The following IPCEF1 variants were observed in gnomAD, a reference collection of about 807,000 sequenced individuals.
IPCEF1 encodes the protein interactor protein for cytohesin exchange factors 1.
In IPCEF1, 31 loss-of-function variants were observed where a neutral mutation model predicts 50.9. The ratio of observed to expected loss-of-function variants is 0.61; its 90% CI spans 0.46 to 0.82. IPCEF1 has a LOEUF of 0.82. Ranked by LOEUF, IPCEF1 falls within the 40% of genes least tolerant of loss-of-function variation. IPCEF1 has a pLI of 0.00. For synonymous variants in IPCEF1, 181 were observed against 192.0 expected (o/e 0.94, Z 0.47); for missense variants, 458 against 514.0 (o/e 0.89, Z 1.05).
chr6:154,247,350 AAGAC>A (rs1351020915), intron 4 of IPCEF1, 95 bp downstream of exon 4: 2 of 942,058 alleles, frequency 2.1e-6, no homozygotes, highest in African/African-American at 1.6e-5. Context: ...TATTAGCATT[AAGAC>A]AGACAGAAAT....
chr6:154,338,758 AAAACAT>A (rs1208069909), intron 1 of IPCEF1, among the ~76,000 whole-genome samples: 1 of 152,038 alleles, frequency 6.6e-6, no homozygotes, highest in East Asian at 1.9e-4. Flanking sequence ...TTGTCTCCAA[AAAACAT>A]ACAAAAAATT....
At chr6:154,256,361 T>C (rs1781460898) in intron 3 of IPCEF1, among the ~76,000 whole-genome samples, 1 of 152,144 alleles carries the variant, frequency 6.6e-6, no homozygotes, top group Admixed American at 6.5e-5. Context: ...ATCATTACAT[T>C]GGGGATTAGG....
intron 1 of IPCEF1, among the ~76,000 whole-genome samples, chr6:154,342,576 C>T (rs1783939603): frequency 6.6e-6 from 1 of 152,034 alleles, no homozygotes; most frequent in African/African-American, 2.4e-5. Flanking sequence ...CATGCACCAC[C>T]ACACCTGGCA....
intron 1 of IPCEF1, among the ~76,000 whole-genome samples, chr6:154,304,459 G>T (rs1376631795): frequency 1.3e-5 from 2 of 151,608 alleles, no homozygotes; most frequent in African/African-American, 2.4e-5. Flanking sequence ...TTACAGGAAG[G>T]GTTGGCATCT....
intron 1 of IPCEF1, among the ~76,000 whole-genome samples, chr6:154,317,898 T>C (rs1454206147): frequency 6.6e-6 from 1 of 152,194 alleles, no homozygotes; most frequent in Non-Finnish European, 1.5e-5. Flanking sequence ...TGAATATTCA[T>C]AGCTAGTTTG....
At chr6:154,255,822 G>A (rs1365414281) in intron 3 of IPCEF1, among the ~76,000 whole-genome samples, 1 of 152,006 alleles carries the variant, frequency 6.6e-6, no homozygotes, top group Non-Finnish European at 1.5e-5. Context: ...TTGAGCTATT[G>A]CAAGAAAGGT....
intron 9 of IPCEF1, among the ~76,000 whole-genome samples, chr6:154,204,882 C>T (rs769223126): frequency 6.6e-6 from 1 of 152,174 alleles, no homozygotes; most frequent in Non-Finnish European, 1.5e-5. Flanking sequence ...CACATGAACC[C>T]CTAAGGACTC....
Position 154,240,782 on chromosome 6 carries a change from C to T in IPCEF1, c.246+5809G>A, listed in dbSNP as rs149222948. Among the ~76,000 whole-genome samples, 517 of 152,326 alleles carry T rather than the reference C, an allele frequency of 3.4e-3. 2 individuals carry two copies. Among genetic ancestry groups the T allele is most frequent in the Non-Finnish European group, 5.2e-3 (356 of 68,030 alleles). ...ATCTCATGCAGACAGTTACTTCAAT[C>T]CCCAAACATGCAAAACTTTCACAAT... is the stretch of plus-strand genomic sequence containing the variant. On this transcript the variant is annotated intron_variant, in intron 5 of 11. Coordinates refer to ENST00000367220, the MANE Select transcript of IPCEF1 (RefSeq NM_001130700.2).
chr6:154,291,935 G>A (rs929518240), intron 1 of IPCEF1, among the ~76,000 whole-genome samples: 23 of 152,056 alleles, frequency 1.5e-4, no homozygotes, highest in Admixed American at 1.2e-3. Flanking sequence ...CACCCGCCTC[G>A]GCCTCCCAAA....
chr6:154,170,222 T>C (rs949324059), intron 10 of IPCEF1, among the ~76,000 whole-genome samples: 2 of 152,238 alleles, frequency 1.3e-5, no homozygotes, highest in African/African-American at 4.8e-5. Context: ...TACAATGAGA[T>C]TTCTTTTTCC....
intron 10 of IPCEF1, among the ~76,000 whole-genome samples, chr6:154,179,873 G>C (rs551562808): frequency 6.6e-6 from 1 of 152,272 alleles, no homozygotes; most frequent in African/African-American, 2.4e-5. Context: ...TAGGAACCTT[G>C]TTAACATGTA....
intron 2 of IPCEF1, among the ~76,000 whole-genome samples, chr6:154,279,089 C>CA (rs1057354951): frequency 9.6e-5 from 14 of 145,242 alleles, no homozygotes; most frequent in African/African-American, 2.6e-4. Context: ...CGTGCCACCG[C>CA]AAAAAAATCA....
At chr6:154,266,548 C>A (rs893797849) in intron 2 of IPCEF1, among the ~76,000 whole-genome samples, 48 of 131,602 alleles carry the variant, frequency 3.6e-4, no homozygotes, top group African/African-American at 1.2e-3. Context: ...ATGATTTACA[C>A]ACTTAATATT....
At chr6:154,229,259 T>TTGAA (rs1218464394) in intron 5 of IPCEF1, among the ~76,000 whole-genome samples, 2 of 152,214 alleles carry the variant, frequency 1.3e-5, no homozygotes, top group African/African-American at 2.4e-5. Context: ...AATACATTTT[T>TTGAA]TGAATGAATG....
chr6:154,330,794 T>G, intron 1 of IPCEF1, among the ~76,000 whole-genome samples: 1 of 152,210 alleles, frequency 6.6e-6, no homozygotes, highest in East Asian at 1.9e-4. Flanking sequence ...ACTTCCAATC[T>G]TTCAAGAGGC....
At chr6:154,300,340 G>A (rs578018853) in intron 1 of IPCEF1, among the ~76,000 whole-genome samples, 13 of 151,816 alleles carry the variant, frequency 8.6e-5, no homozygotes, top group African/African-American at 3.1e-4. Flanking sequence ...GCTCAGATGT[G>A]ATGGCTCATG....
At chr6:154,225,969 A>T (rs1272876095) in intron 5 of IPCEF1, among the ~76,000 whole-genome samples, 3 of 152,186 alleles carry the variant, frequency 2.0e-5, no homozygotes, top group African/African-American at 7.2e-5. Context: ...GTGACGCTGT[A>T]GCTGCTCCCT....
At chr6:154,225,606 GC>G (rs2128620547) in intron 5 of IPCEF1, among the ~76,000 whole-genome samples, 1 of 152,176 alleles carries the variant, frequency 6.6e-6, no homozygotes, top group East Asian at 1.9e-4. Context: ...GAAATAGGGA[GC>G]AACTGCTCAA....
intron 5 of IPCEF1, among the ~76,000 whole-genome samples, chr6:154,245,663 A>G (rs533393017): frequency 6.6e-6 from 1 of 152,328 alleles, no homozygotes; most frequent in African/African-American, 2.4e-5. Flanking sequence ...CTGGCTTATA[A>G]GCAACTCCTA....
Sources: gnomAD v4.1 joint callset for allele counts (sites outside exome capture counted in the v4.1 genomes callset) on GRCh38, gnomAD v4.1.1 for gene constraint, MANE v1.5 for transcripts, NCBI Gene and HGNC (gene_info 2026-07-23, HGNC 2026-07-21) for gene names.